The following DECR2 variants were observed in gnomAD, a reference collection of about 807,000 sequenced individuals.
DECR2 encodes the protein 2,4-dienoyl-CoA reductase 2, also known as peroxisomal 2,4-dienoyl-CoA reductase [(3E)-enoyl-CoA-producing].
Under a neutral mutation model 29.2 loss-of-function variants are expected in DECR2, and 34 were observed. The ratio of observed to expected loss-of-function variants is 1.16; its 90% confidence interval spans 0.89 to 1.55. DECR2 has a LOEUF of 1.55. DECR2 is among the 40% of genes most tolerant of loss of function. DECR2 has a pLI of 0.00. For missense variants in DECR2, 485 were observed against 425.3 expected, an observed-to-expected ratio of 1.14 and a Z score of -1.23; for synonymous variants, 224 against 182.7, an observed-to-expected ratio of 1.23 and a Z score of -1.82.
rs370013477 is a variant in DECR2, at chr16:411,554, C to T, written c.855C>T (p.Phe285=). ...FPNGVKGLPD[F]ASFSAKL The stretch of plus-strand genomic sequence containing the variant: ...ACGGTGTCAAAGGGCTGCCGGATTT[C>T]GCATCCTTCTCTGCTAAGCTCTAGG... Residue 285 remains phenylalanine, a synonymous_variant, in exon 8 of 9, where the codon TTC becomes TTT. Coordinates refer to ENST00000219481, the MANE Select transcript of DECR2 (RefSeq NM_020664.4). 28 of 1,613,436 alleles carry T rather than the reference C, an allele frequency of 1.7e-5. No individual in the cohort carries two copies. The highest frequency in any genetic ancestry group is 7.7e-5 in the South Asian group (7 of 90,978).
chr16:406,463 C>A, intron 3 of DECR2, 66 bp downstream of exon 3: 1 of 1,548,120 alleles, frequency 6.5e-7, no homozygotes, highest in Non-Finnish European at 8.8e-7. Flanking sequence ...TGGGCCTGGG[C>A]CAGGAGAGTC....
chr16:404,264 GT>G (rs2054699774), intron 1 of DECR2, among the ~76,000 whole-genome samples: 1 of 151,738 alleles, frequency 6.6e-6, no homozygotes, highest in Non-Finnish European at 1.5e-5. Flanking sequence ...TTAAGACCAT[GT>G]TTCGCTCTTG....
Position 401,974 on chromosome 16 carries a change from C to CG in DECR2, c.12dup (p.Pro5AlafsTer42), listed in dbSNP as rs2054671338. The CG allele has an allele frequency of 1.3e-6, 2 of 1,488,950 alleles. No homozygotes were observed. Among genetic ancestry groups the CG allele is most frequent in the Non-Finnish European group, 1.8e-6 (2 of 1,127,374 alleles). The allele number at this position is 1,488,950 out of a possible 1,614,324, so 92.2% of individuals were successfully genotyped here. A position where few individuals can be genotyped will look rare whatever the true frequency, so the allele number is the denominator to read the frequency against. On this transcript the variant is annotated frameshift_variant, in exon 1 of 9. Coordinates refer to ENST00000219481, the MANE Select transcript of DECR2 (RefSeq NM_020664.4). LOFTEE classifies it high-confidence loss of function. ...CCCGACGGGAGCGCCATGGCCCAGC[C>CG]GCCGCCCGACGTGGAGGGGGACGAC...
chr16:404,017 C>G (rs1597196460), intron 1 of DECR2, among the ~76,000 whole-genome samples: 1 of 151,198 alleles, frequency 6.6e-6, no homozygotes, highest in South Asian at 2.1e-4. Flanking sequence ...ACTAAAAATA[C>G]AAAAAATTAG....
At position 411,501 on chromosome 16, in the gene DECR2, G is replaced by A. The variant is rs1236176421; in HGVS notation, c.802G>A (p.Asp268Asn). 9 of 1,613,930 alleles carry A rather than the reference G, an allele frequency of 5.6e-6. No individual in the cohort carries two copies. In the East Asian group the frequency reaches 1.1e-4, roughly 20 times the overall value. ...CGTGACGGGGGCCGTGCTGGTGGCC[G>A]ATGGCGGGGCATGGTTGACGTTCCC... Reference protein sequence around the residue: ...SYVTGAVLVADGGAWLTFPNG... With the variant: ...SYVTGAVLVANGGAWLTFPNG... Residue 268 changes from aspartate to asparagine, a missense_variant, in exon 8 of 9, where the codon GAT (aspartate) becomes AAT (asparagine). By Grantham distance (23) the Asp-to-Asn change is conservative (BLOSUM62 1). Coordinates refer to ENST00000219481, the MANE Select transcript of DECR2 (RefSeq NM_020664.4).
chr16:410,627 C>T lies in DECR2; in HGVS notation c.463-64C>T, dbSNP rs2054805186. On this transcript the variant is annotated intron_variant, in intron 5 of 8. Transcript: ENST00000219481. The surrounding 1 kb of genome is among the most constrained non-coding windows in gnomAD (Gnocchi z 4.1). ...CGGGCCTCCCCCTGACAGCCACCCG[C>T]TCACTGTCCTGTGACCTCCCCCGAC... 7.4e-6 allele frequency: 11 copies of T among 1,485,838 alleles called. No individual in the cohort carries two copies. The highest frequency in any genetic ancestry group is 1.0e-5 in the Non-Finnish European group (11 of 1,088,456). The allele number at this position is 1,485,838 out of a possible 1,614,324, so 92.0% of individuals were successfully genotyped here. A position where few individuals can be genotyped will look rare whatever the true frequency, so the allele number is the denominator to read the frequency against.
intron 1 of DECR2, among the ~76,000 whole-genome samples, chr16:403,212 G>GT (rs55844463): frequency 1 from 152,158 of 152,158 alleles, 76,079 homozygotes; most frequent in Non-Finnish European, 1. Flanking sequence ...GTAGAGGTGA[G>GT]TGTCACCATG....
intron 2 of DECR2, among the ~76,000 whole-genome samples, chr16:405,897 C>A (rs184470101): frequency 5.9e-5 from 9 of 152,320 alleles, no homozygotes; most frequent in Admixed American, 4.6e-4. Context: ...GAAATCCTAG[C>A]GGCATTCCTG....
rs1288008545 is a variant in DECR2 at position 401,939 on chromosome 16, C to G, written c.-25C>G. 2.0e-6 allele frequency: 3 copies of G among 1,476,750 alleles called. No individual in the cohort carries two copies. In the South Asian group the frequency reaches 3.8e-5, roughly 19 times the overall value. The allele number at this position is 1,476,750 out of a possible 1,614,324, so 91.5% of individuals were successfully genotyped here. On this transcript the variant is annotated 5_prime_UTR_variant, in exon 1 of 9. Transcript: ENST00000219481. Reference sequence around the variant, plus strand: ...GGCCGAGGCCGCTCCCGCCCGTTGTCCCCGCAGTCCCCGACGGGAGCGCCA... The same window carrying G: ...GGCCGAGGCCGCTCCCGCCCGTTGTGCCCGCAGTCCCCGACGGGAGCGCCA...
chr16:406,306 C>G, intron 2 of DECR2, 40 bp from the exon 3 acceptor site: 1 of 1,598,716 alleles, frequency 6.3e-7, no homozygotes, highest in Non-Finnish European at 8.5e-7. Flanking sequence ...GGGAGTGCCC[C>G]TCGCCCACAC....
At position 410,992 on chromosome 16, in the gene DECR2, G is replaced by A; in HGVS notation, c.577G>A (p.Ala193Thr). The A allele has an allele frequency of 6.2e-7, 1 of 1,602,994 alleles. No individual in the cohort carries two copies. Among genetic ancestry groups the A allele is most frequent in the Non-Finnish European group, 8.5e-7 (1 of 1,175,124 alleles). ...TGCAGACGCGATGACGCGGCACTTG[G>A]CTGTGGAGTGGGGTCCCCAAAACAT... is the stretch of plus-strand genomic sequence containing the variant. The part of the protein sequence containing the change: ...AAVDAMTRHL[A>T]VEWGPQNIRV... The change falls in exon 7 of 9, where the codon GCT (alanine) becomes ACT (threonine). Residue 193 changes from alanine to threonine, a missense_variant. By Grantham distance (58) the Ala-to-Thr change is moderately conservative. Coordinates refer to ENST00000219481, the MANE Select transcript of DECR2 (RefSeq NM_020664.4). This position sits in a 1 kb window ranked among gnomAD's most constrained non-coding sequence, Gnocchi z 4.1.
At chr16:407,661 C>G in intron 4 of DECR2, 101 bp downstream of exon 4, 1 of 1,535,404 alleles carries the variant, frequency 6.5e-7, no homozygotes, top group Non-Finnish European at 8.8e-7. Context: ...TGCCAGGGAA[C>G]CTAGCTGCCT....
rs190348767 is a variant in DECR2, at chr16:404,242, T to C, written c.81-714T>C. ...ATTTTATGAATTTTCATTTTATTTATTTATTTATTTTTTAAGACCATGTTT... is the reference window on the plus strand; with the variant it reads ...ATTTTATGAATTTTCATTTTATTTACTTATTTATTTTTTAAGACCATGTTT... On this transcript the variant is annotated intron_variant, in intron 1 of 8. Coordinates refer to ENST00000219481, the MANE Select transcript of DECR2 (RefSeq NM_020664.4). Among the ~76,000 whole-genome samples, 1,112 of 151,992 alleles carry C rather than the reference T, an allele frequency of 7.3e-3. 9 individuals carry two copies. The highest frequency in any genetic ancestry group is 0.025 in the African/African-American group (1,029 of 41,536).
chr16:411,309 A>T, intron 7 of DECR2, 52 bp from the exon 8 acceptor site: 1 of 1,525,438 alleles, frequency 6.6e-7, no homozygotes, highest in Non-Finnish European at 8.9e-7. Flanking sequence ...GGGAGAGGGG[A>T]GGGTGCTGGG....
Position 410,105 on chromosome 16 carries a change from C to G in DECR2, c.338-138C>G, listed in dbSNP as rs1449437642. The G allele has an allele frequency of 8.6e-6, 11 of 1,272,856 alleles. No homozygotes were observed. The African/African-American group carries it at 1.7e-4, about 19-fold the overall frequency. 78.8% of individuals were successfully genotyped at this position (1,272,856 alleles called of 1,614,324 possible). On this transcript the variant is annotated intron_variant, in intron 4 of 8. Coordinates refer to ENST00000219481, the MANE Select transcript of DECR2 (RefSeq NM_020664.4). This position sits in a 1 kb window ranked among gnomAD's most constrained non-coding sequence, Gnocchi z 4.1. ...TGCTCTGGTCATTTTGGAATTTATCCTAGGGCATGGGTCTCCTCCCTGTGC... is the reference window on the plus strand; with the variant it reads ...TGCTCTGGTCATTTTGGAATTTATCGTAGGGCATGGGTCTCCTCCCTGTGC...
rs138044046 is a variant in DECR2 at position 411,443 on chromosome 16, C to A, written c.744C>A (p.Ser248Arg). ...GGAACAAGACCGAGATCGCCCACAGCGTGCTCTACCTGGCCAGCCCTCTGG... is the reference window on the plus strand; with the variant it reads ...GGAACAAGACCGAGATCGCCCACAGAGTGCTCTACCTGGCCAGCCCTCTGG... Reference protein sequence around the residue: ...RLGNKTEIAHSVLYLASPLAS... With the variant: ...RLGNKTEIAHRVLYLASPLAS... Residue 248 changes from serine (S) to arginine (R), a missense_variant, in exon 8 of 9, where the codon AGC becomes AGA. Ser to Arg is a moderately radical substitution (Grantham distance 110). Coordinates refer to ENST00000219481, the MANE Select transcript of DECR2 (RefSeq NM_020664.4). The A allele has an allele frequency of 6.2e-7, 1 of 1,613,706 alleles. No individual in the cohort carries two copies.
intron 4 of DECR2, chr16:409,780 TC>T (rs1333141503): frequency 1.9e-5 from 3 of 157,650 alleles, no homozygotes; most frequent in Non-Finnish European, 4.2e-5. Flanking sequence ...GAGAGCCTCT[TC>T]CTGCCTTCTG....
intron 2 of DECR2, 169 bp downstream of exon 2, chr16:405,193 T>G (rs1485711388): frequency 1.3e-6 from 1 of 773,494 alleles, no homozygotes; most frequent in South Asian, 1.8e-5. Context: ...AGGATTGCCC[T>G]GGGGGGAGTC....
chr16:407,559 C>G lies in DECR2; in HGVS notation c.336C>G (p.Asn112Lys), dbSNP rs2054741358. ...KEFGRIDILI[N>K]CAAGNFLCPA... ...TTGGCAGAATCGACATTCTCATTAA[C>G]TGTGAGTCGGTGCTGAGTGAGGTTG... Residue 112 changes from asparagine (N) to lysine (K), a missense_variant and splice_region_variant, in exon 4 of 9, where the codon AAC becomes AAG. Transcript: ENST00000219481. The G allele has an allele frequency of 1.2e-6, 2 of 1,613,782 alleles. No individual in the cohort carries two copies. Among genetic ancestry groups the G allele is most frequent in the East Asian group, 2.2e-5 (1 of 44,892 alleles).
Sources: allele counts gnomAD v4.1 joint callset (sites outside exome capture counted in the v4.1 genomes callset), GRCh38; gene constraint gnomAD v4.1.1; non-coding constraint Gnocchi (gnomAD v3.1); transcripts MANE v1.5; gene names NCBI Gene and HGNC (gene_info 2026-07-23, HGNC 2026-07-21).